The following TCF20 variants were observed in gnomAD, a reference collection of about 807,000 sequenced individuals.
The protein encoded by TCF20 is SPRE-binding protein.
Under a neutral mutation model 148.6 loss-of-function variants are expected in TCF20, and 3 were observed. That is an observed-to-expected ratio of 0.02 (90% CI 0.01 to 0.05). The LOEUF is 0.05. TCF20 is among the 10% of genes least tolerant of loss of function. The pLI is 1.00. For missense variants in TCF20, 2,350 were observed against 2,429.3 expected (o/e 0.97, Z 0.69); for synonymous variants, 1,049 against 909.5 (o/e 1.15, Z -2.76).
At chr22:42,273,541 A>C (rs1249105782), upstream of TCF20, among the ~76,000 whole-genome samples, 3 of 151,980 alleles carry the variant, frequency 2.0e-5, no homozygotes, top group Admixed American at 1.3e-4. Context: ...CTTCCTCTGA[A>C]ATCACATTAG....
chr22:42,266,840 C>T (rs557039367), intron 1 of TCF20, among the ~76,000 whole-genome samples: 20 of 152,160 alleles, frequency 1.3e-4, no homozygotes, highest in African/African-American at 4.3e-4. Flanking sequence ...CCATGTCTCC[C>T]GATATCTTAC....
chr22:42,336,062 T>C (rs1009264864), intron 1 of TCF20, among the ~76,000 whole-genome samples: 1 of 152,130 alleles, frequency 6.6e-6, no homozygotes, highest in Non-Finnish European at 1.5e-5. Context: ...CGTGGCCTCC[T>C]CCAGTCAAGC....
At chr22:42,188,756 T>C (rs1937181829) in intron 2 of TCF20, among the ~76,000 whole-genome samples, 1 of 152,230 alleles carries the variant, frequency 6.6e-6, no homozygotes. Context: ...AATAATCTTT[T>C]CTTTTTATTC....
chr22:42,179,514 AAAG>A (rs1936664342), intron 3 of TCF20, 92 bp downstream of exon 3: 12 of 829,766 alleles, frequency 1.4e-5, no homozygotes, highest in Non-Finnish European at 2.0e-5. Flanking sequence ...AAAAAAAAGA[AAAG>A]AAAAGAAAAA....
chr22:42,258,854 T>C (rs1925884032), intron 1 of TCF20, among the ~76,000 whole-genome samples: 1 of 152,100 alleles, frequency 6.6e-6, no homozygotes, highest in South Asian at 2.1e-4. Flanking sequence ...ATAAGAAGTA[T>C]TTATATTAAA....
chr22:42,229,176 T>A (rs1019679757), intron 1 of TCF20, among the ~76,000 whole-genome samples: 2 of 152,056 alleles, frequency 1.3e-5, no homozygotes, highest in African/African-American at 4.8e-5. Context: ...CAAGCAAATG[T>A]GACATGTTGG....
At chr22:42,267,868 A>C (rs134878) in intron 1 of TCF20, among the ~76,000 whole-genome samples, 1 of 151,908 alleles carries the variant, frequency 6.6e-6, no homozygotes, top group African/African-American at 2.4e-5. Flanking sequence ...GATCTAGCCC[A>C]GGCGCAGTGG....
At chr22:42,328,233 C>A (rs969999549) in intron 1 of TCF20, among the ~76,000 whole-genome samples, 4 of 152,022 alleles carry the variant, frequency 2.6e-5, no homozygotes, top group African/African-American at 9.7e-5. Flanking sequence ...CCCACGTGTC[C>A]GCTCCAGCCA....
At chr22:42,227,683 T>C (rs1923038725) in intron 1 of TCF20, among the ~76,000 whole-genome samples, 1 of 152,250 alleles carries the variant, frequency 6.6e-6, no homozygotes, top group African/African-American at 2.4e-5. Context: ...CCCTTTTCTC[T>C]TCCTGACTTC....
At chr22:42,334,723 C>G (rs1291460923) in intron 1 of TCF20, among the ~76,000 whole-genome samples, 1 of 152,216 alleles carries the variant, frequency 6.6e-6, no homozygotes, top group Non-Finnish European at 1.5e-5. Context: ...AATAGTCATC[C>G]CCATTTTACA....
At chr22:42,235,405 T>C (rs1756320692) in intron 1 of TCF20, among the ~76,000 whole-genome samples, 1 of 152,178 alleles carries the variant, frequency 6.6e-6, no homozygotes, top group Non-Finnish European at 1.5e-5. Flanking sequence ...GGGTATCAAC[T>C]GGTGCACACC....
chr22:42,260,390 A>T (rs1334817288), intron 1 of TCF20, among the ~76,000 whole-genome samples: 1 of 152,224 alleles, frequency 6.6e-6, no homozygotes, highest in East Asian at 1.9e-4. Flanking sequence ...TCCAATTTGA[A>T]TTTTTAAGAG....
At chr22:42,200,720 C>T (rs1002144566) in intron 2 of TCF20, among the ~76,000 whole-genome samples, 15 of 152,084 alleles carry the variant, frequency 9.9e-5, no homozygotes, top group Non-Finnish European at 8.8e-5. Context: ...TTCTGACTCC[C>T]GTTTCTACCA....
At chr22:42,168,763 C>CA (rs1451321862) in intron 4 of TCF20, 27 bp from the exon 5 acceptor site, 1 of 1,595,064 alleles carries the variant, frequency 6.3e-7, no homozygotes, top group South Asian at 1.1e-5. Context: ...CAAGAGGAGA[C>CA]AGACAGGTGG....
upstream of TCF20, among the ~76,000 whole-genome samples, chr22:42,284,252 T>C (rs1286304108): frequency 6.6e-6 from 1 of 152,228 alleles, no homozygotes; most frequent in East Asian, 1.9e-4. Flanking sequence ...TCTCTATAGA[T>C]AGGGGCGATT....
chr22:42,293,363 C>T (rs1454481521), intron 1 of TCF20, among the ~76,000 whole-genome samples: 1 of 152,216 alleles, frequency 6.6e-6, no homozygotes, highest in Admixed American at 6.5e-5. Flanking sequence ...CAGCTCATTC[C>T]CTAGGGCTCG....
chr22:42,164,836 G>A (rs1390469545), intron 5 of TCF20, among the ~76,000 whole-genome samples: 2 of 152,184 alleles, frequency 1.3e-5, no homozygotes, highest in African/African-American at 2.4e-5. Flanking sequence ...GAGCCAAAGT[G>A]TTTCCAGCAC....
chr22:42,240,819 A>G (rs1924327592), intron 1 of TCF20, among the ~76,000 whole-genome samples: 1 of 152,104 alleles, frequency 6.6e-6, no homozygotes, highest in Non-Finnish European at 1.5e-5. Context: ...CTCAGCTTCA[A>G]ACCATCTGGA....
At chr22:42,226,395 T>C (rs1221393208) in intron 1 of TCF20, among the ~76,000 whole-genome samples, 2 of 152,236 alleles carry the variant, frequency 1.3e-5, no homozygotes, top group Non-Finnish European at 2.9e-5. Context: ...TGTTCCATTT[T>C]ATAATTCATT....
Sources: allele counts gnomAD v4.1 joint callset (sites outside exome capture counted in the v4.1 genomes callset), GRCh38; gene constraint gnomAD v4.1.1; transcripts MANE v1.5; gene names NCBI Gene and HGNC (gene_info 2026-07-23, HGNC 2026-07-21).